Variants in APOLD1 observed in about 807,000 individuals in gnomAD.
APOLD1 encodes apolipoprotein L domain-containing protein 1.
APOLD1 carries 22 observed loss-of-function variants against 15.3 expected under a neutral mutation model. That is an observed-to-expected ratio of 1.44 (90% CI 1.03 to 2.05). The LOEUF is 2.05. Ranked by LOEUF, APOLD1 falls within the 30% of genes most tolerant of loss-of-function variation. The pLI is 0.00. For missense variants in APOLD1, 394 were observed against 353.5 expected (o/e 1.11, Z -0.92); for synonymous variants, 190 against 167.4 (o/e 1.13, Z -1.04).
intron 1 of APOLD1, among the ~76,000 whole-genome samples, chr12:12,757,417 G>C (rs1169425006): frequency 6.6e-6 from 1 of 152,162 alleles, no homozygotes; most frequent in Non-Finnish European, 1.5e-5. Flanking sequence ...GCTCAGAGAG[G>C]CACATTGAAG....
chr12:12,733,316 C>G (rs1196519008), intron 1 of APOLD1, among the ~76,000 whole-genome samples: 1 of 151,476 alleles, frequency 6.6e-6, no homozygotes, highest in Non-Finnish European at 1.5e-5. Flanking sequence ...CAGAACAAGA[C>G]TGTCTCAAAA....
chr12:12,761,824 TATGTATAG>T (rs1280973069), intron 1 of APOLD1, among the ~76,000 whole-genome samples: 434 of 35,284 alleles, frequency 0.012, 4 homozygotes, highest in Middle Eastern at 0.078. Flanking sequence ...CATATATGTA[TATGTATAG>T]AGAGAGAGAG....
chr12:12,743,441 C>T (rs1215452064), intron 1 of APOLD1, among the ~76,000 whole-genome samples: 1 of 152,090 alleles, frequency 6.6e-6, no homozygotes, highest in Non-Finnish European at 1.5e-5. Flanking sequence ...CCAGGTGAGC[C>T]CAATCTAACA....
chr12:12,749,517 T>A (rs1165857119), intron 1 of APOLD1, among the ~76,000 whole-genome samples: 1 of 152,208 alleles, frequency 6.6e-6, no homozygotes, highest in East Asian at 1.9e-4. Flanking sequence ...AGTCTTAGTT[T>A]CCATAGAAGT....
At chr12:12,766,168 C>G (rs1049950762) in intron 1 of APOLD1, among the ~76,000 whole-genome samples, 1 of 152,182 alleles carries the variant, frequency 6.6e-6, no homozygotes, top group Non-Finnish European at 1.5e-5. Flanking sequence ...GGCTGCTTCA[C>G]AGATCCTGAG....
Position 12,787,854 on chromosome 12 carries a change from A to G in APOLD1, c.*202A>G, listed in dbSNP as rs1947146438. On this transcript the variant is annotated 3_prime_UTR_variant, in exon 2 of 2. Transcript: ENST00000356591. The surrounding 1 kb of genome is among the most constrained non-coding windows in gnomAD (Gnocchi z 4.9). The stretch of plus-strand genomic sequence containing the variant: ...ATCTGCCTGGGCTTGAGTGCTACGG[A>G]CTTTTCAGTCTTCCTAGTGGAAAAA... The G allele has an allele frequency of 2.9e-6, 2 of 685,944 alleles. No homozygotes were observed. Among genetic ancestry groups the G allele is most frequent in the South Asian group, 2.4e-5 (1 of 42,464 alleles). The allele number at this position is 685,944 out of a possible 1,614,324, so 42.5% of individuals were successfully genotyped here. A position where few individuals can be genotyped will look rare whatever the true frequency, so the allele number is the denominator to read the frequency against.
In APOLD1 at chr12:12,750,363, ACT is replaced by A. The variant is rs1392713054; in HGVS notation, c.96+24270_96+24271del. 9.0e-5 allele frequency among the ~76,000 whole-genome samples: 9 copies of A among 99,810 alleles called. No homozygotes were observed. In the Admixed American group the frequency reaches 1.1e-3, roughly 12 times the overall value. 65.5% of individuals were successfully genotyped at this position (99,810 alleles called of 152,430 possible). A position where few individuals can be genotyped will look rare whatever the true frequency, so the allele number is the denominator to read the frequency against. On this transcript the variant is annotated intron_variant, in intron 1 of 1. Coordinates refer to the APOLD1 transcript ENST00000326765. ...TTTCAGCCTGGTCAACAAGAGTGAGACTCTGTCTCAAAAAAAAAAAAAAAAAA... is the reference window on the plus strand; with the variant it reads ...TTTCAGCCTGGTCAACAAGAGTGAGACTGTCTCAAAAAAAAAAAAAAAAAA...
chr12:12,777,554 T>C (rs1016854087), intron 1 of APOLD1, among the ~76,000 whole-genome samples: 4 of 152,224 alleles, frequency 2.6e-5, no homozygotes, highest in African/African-American at 4.8e-5. Flanking sequence ...GATTTGGATT[T>C]CAATTTTGGC....
chr12:12,751,518 T>C (rs1946812199), intron 1 of APOLD1, among the ~76,000 whole-genome samples: 1 of 152,116 alleles, frequency 6.6e-6, no homozygotes, highest in African/African-American at 2.4e-5. Context: ...GCCCCACTAA[T>C]TTTTAAATTT....
intron 1 of APOLD1, among the ~76,000 whole-genome samples, chr12:12,751,180 G>A (rs964469302): frequency 6.6e-6 from 1 of 152,078 alleles, no homozygotes; most frequent in African/African-American, 2.4e-5. Context: ...AAGGTACAAA[G>A]TAGGGTGGTA....
intron 1 of APOLD1, among the ~76,000 whole-genome samples, chr12:12,730,906 C>A (rs1340877037): frequency 1.3e-5 from 2 of 151,942 alleles, no homozygotes; most frequent in African/African-American, 4.8e-5. Context: ...CTTTGGGAGG[C>A]CGAGGCAGGC....
chr12:12,730,380 C>A (rs1368252601), intron 1 of APOLD1, among the ~76,000 whole-genome samples: 4 of 151,994 alleles, frequency 2.6e-5, no homozygotes, highest in African/African-American at 9.7e-5. Context: ...GTTACTTCAC[C>A]TTTTAAAGAT....
intron 1 of APOLD1, among the ~76,000 whole-genome samples, chr12:12,743,635 C>A (rs1186036587): frequency 1.3e-5 from 2 of 152,110 alleles, no homozygotes; most frequent in African/African-American, 4.8e-5. Flanking sequence ...ATCCCCAGAG[C>A]CTATTAATAT....
rs907700076 is a variant in APOLD1, at chr12:12,790,852, T to C, written c.*3200T>C. On this transcript the variant is annotated 3_prime_UTR_variant, in exon 2 of 2. Coordinates refer to ENST00000356591, the MANE Select transcript of APOLD1 (RefSeq NM_030817.3). ...TATTTATTTCTTTCTTTTACGGGGA[T>C]GTGAATAAGGCTTTTCCTTAAGGCC... is the stretch of plus-strand genomic sequence containing the variant. 6.6e-6 allele frequency: 1 copy of C among 152,250 alleles called. No homozygotes were observed. The highest frequency in any genetic ancestry group is 1.5e-5 in the Non-Finnish European group (1 of 68,038). The allele number at this position is 152,250 out of a possible 1,614,324, so 9.4% of individuals were successfully genotyped here.
chr12:12,752,834 A>G (rs1278723539), intron 1 of APOLD1, among the ~76,000 whole-genome samples: 2 of 152,228 alleles, frequency 1.3e-5, no homozygotes, highest in Non-Finnish European at 2.9e-5. Flanking sequence ...TAGATTGACT[A>G]ATTCAGGTAC....
At chr12:12,747,928 G>A (rs1291716754) in intron 1 of APOLD1, among the ~76,000 whole-genome samples, 1 of 152,106 alleles carries the variant, frequency 6.6e-6, no homozygotes, top group Non-Finnish European at 1.5e-5. Context: ...GGCTTATATT[G>A]GGCTAGGTAG....
intron 1 of APOLD1, chr12:12,726,110 G>C: frequency 6.8e-7 from 1 of 1,463,402 alleles, no homozygotes; most frequent in Non-Finnish European, 9.1e-7. Context: ...GAACTGGGGA[G>C]TGCGGGAGGG....
At chr12:12,757,673 TA>T (rs112376702) in intron 1 of APOLD1, among the ~76,000 whole-genome samples, 47 of 150,258 alleles carry the variant, frequency 3.1e-4, no homozygotes, top group East Asian at 1.2e-3. Context: ...TTTTTTTCTT[TA>T]AAAAAAAAAT....
intron 1 of APOLD1, among the ~76,000 whole-genome samples, chr12:12,749,735 G>T (rs1190296454): frequency 2.0e-5 from 3 of 152,216 alleles, no homozygotes; most frequent in Non-Finnish European, 4.4e-5. Context: ...GGACCCAACA[G>T]AATTCTGTAA....
Sources: allele counts gnomAD v4.1 joint callset (sites outside exome capture counted in the v4.1 genomes callset), GRCh38; gene constraint gnomAD v4.1.1; non-coding constraint Gnocchi (gnomAD v3.1); transcripts MANE v1.5; gene names NCBI Gene and HGNC (gene_info 2026-07-23, HGNC 2026-07-21).